The following OPCML variants were observed in gnomAD, a reference collection of about 807,000 sequenced individuals.
OPCML encodes the protein opioid-binding protein/cell adhesion molecule.
In OPCML, 13 loss-of-function variants were observed where a neutral mutation model predicts 37.8. The observed-to-expected ratio is 0.34, with a 90% CI of 0.22 to 0.55. OPCML has a LOEUF of 0.55. OPCML is among the 20% of genes least tolerant of loss of function. OPCML has a pLI of 0.91. For missense variants in OPCML, 341 were observed against 435.6 expected (o/e 0.78, Z 1.93); for synonymous variants, 176 against 168.8 (o/e 1.04, Z -0.33).
intron 1 of OPCML, among the ~76,000 whole-genome samples, chr11:133,515,062 T>C (rs1948237046): frequency 6.6e-6 from 1 of 152,212 alleles, no homozygotes; most frequent in Non-Finnish European, 1.5e-5. Context: ...TTAAAGAGCA[T>C]CTGGAAAAGA....
intron 1 of OPCML, among the ~76,000 whole-genome samples, chr11:133,333,278 C>G (rs1943665846): frequency 6.6e-6 from 1 of 152,102 alleles, no homozygotes; most frequent in Admixed American, 6.6e-5. Context: ...AGGCTGGTCT[C>G]AAACTCCTAA....
At chr11:132,919,070 GAAATAGGCAACATTTGAGAGTAT>G (rs1285429610) in intron 2 of OPCML, among the ~76,000 whole-genome samples, 1 of 152,180 alleles carries the variant, frequency 6.6e-6, no homozygotes, top group Non-Finnish European at 1.5e-5. Context: ...ATCAAACCCA[GAAATAGGCAACATTTGAGAGTAT>G]AAGTAGATAG....
At position 133,457,064 on chromosome 11, in the gene OPCML, A is replaced by G. The variant is rs1467203520; in HGVS notation, c.61+75200T>C. Reference sequence around the variant, plus strand: ...AAAGAGACCAACCCCAAGACACATTATTATCAACCTGTTGACACAGACAAA... The same window carrying G: ...AAAGAGACCAACCCCAAGACACATTGTTATCAACCTGTTGACACAGACAAA... On this transcript the variant is annotated intron_variant, in intron 1 of 7. Coordinates refer to ENST00000524381, the MANE Select transcript of OPCML (RefSeq NM_001012393.5). 2.6e-5 allele frequency among the ~76,000 whole-genome samples: 4 copies of G among 152,204 alleles called. No homozygotes were observed. The East Asian group carries it at 5.8e-4, about 22-fold the overall frequency.
At chr11:133,481,106 A>T (rs1947361813) in intron 1 of OPCML, among the ~76,000 whole-genome samples, 1 of 152,256 alleles carries the variant, frequency 6.6e-6, no homozygotes, top group Non-Finnish European at 1.5e-5. Context: ...AAATAATTTT[A>T]TCGAGATTAA....
intron 1 of OPCML, among the ~76,000 whole-genome samples, chr11:133,070,576 G>A (rs1181986360): frequency 6.6e-6 from 1 of 152,186 alleles, no homozygotes. Flanking sequence ...AGCCTATGAA[G>A]AGAGGTAACG....
At chr11:133,162,203 A>C (rs1950152713) in intron 1 of OPCML, among the ~76,000 whole-genome samples, 1 of 152,038 alleles carries the variant, frequency 6.6e-6, no homozygotes, top group Non-Finnish European at 1.5e-5. Context: ...TGAGAAAGAG[A>C]GGGAGAGAAA....
chr11:133,059,022 G>A (rs1415136389), intron 1 of OPCML, among the ~76,000 whole-genome samples: 1 of 152,208 alleles, frequency 6.6e-6, no homozygotes, highest in Non-Finnish European at 1.5e-5. Flanking sequence ...AACTTTGCAA[G>A]GACCTTTATC....
intron 2 of OPCML, among the ~76,000 whole-genome samples, chr11:132,888,659 T>C (rs1390303231): frequency 1.3e-5 from 2 of 152,182 alleles, no homozygotes; most frequent in African/African-American, 4.8e-5. Context: ...TTTTTGGCTC[T>C]TTCTCAGTCT....
intron 1 of OPCML, chr11:133,005,707 T>G: frequency 1.0e-6 from 1 of 977,490 alleles, no homozygotes; most frequent in East Asian, 1.1e-4. Context: ...ATCCAGATTT[T>G]TCTTATCTTT....
chr11:132,517,544 T>G (rs1276698779), intron 4 of OPCML, among the ~76,000 whole-genome samples: 1 of 152,210 alleles, frequency 6.6e-6, no homozygotes, highest in East Asian at 1.9e-4. Flanking sequence ...CCACATTTTT[T>G]GTTCAGCAGC....
At chr11:132,591,256 A>G (rs761514572) in intron 3 of OPCML, among the ~76,000 whole-genome samples, 3 of 152,186 alleles carry the variant, frequency 2.0e-5, no homozygotes, top group Non-Finnish European at 4.4e-5. Context: ...ACTTTGGAGA[A>G]ATGCAGATCC....
At chr11:133,121,706 T>C (rs1949424439) in intron 1 of OPCML, among the ~76,000 whole-genome samples, 3 of 152,236 alleles carry the variant, frequency 2.0e-5, no homozygotes, top group African/African-American at 7.2e-5. Flanking sequence ...TTACACTTGA[T>C]AACACTAAAG....
At chr11:133,522,272 GT>G (rs138344253) in intron 1 of OPCML, among the ~76,000 whole-genome samples, 3,320 of 152,260 alleles carry the variant, frequency 0.022, 126 homozygotes, top group African/African-American at 0.076. Context: ...AAAAATAGAT[GT>G]TTTGATAGTG....
chr11:133,119,866 C>T (rs748764230), intron 1 of OPCML, among the ~76,000 whole-genome samples: 11 of 152,064 alleles, frequency 7.2e-5, no homozygotes, highest in Admixed American at 1.3e-4. Context: ...GAGCAGGTAG[C>T]GGGAAAGGTG....
At chr11:132,470,860 GA>G (rs1253121024) in intron 4 of OPCML, among the ~76,000 whole-genome samples, 1 of 152,150 alleles carries the variant, frequency 6.6e-6, no homozygotes, top group Non-Finnish European at 1.5e-5. Context: ...TGTAAAGCCA[GA>G]AGACCAGTTA....
At chr11:133,354,091 A>G (rs930313281) in intron 1 of OPCML, among the ~76,000 whole-genome samples, 2 of 147,788 alleles carry the variant, frequency 1.4e-5, no homozygotes, top group Non-Finnish European at 3.0e-5. Context: ...TATCTGTGCT[A>G]TGCTTTTCTA....
rs117003485 is a variant in OPCML at position 132,782,231 on chromosome 11, C to T, written c.147-124912G>A. ...AAGCGAACGCACCGAGACTTAAGAG[C>T]TGCAGGTGTGTCTGCTTGTGGAGCC... On this transcript the variant is annotated intron_variant, in intron 2 of 7. Transcript: ENST00000524381. Among the ~76,000 whole-genome samples, 819 of 152,066 alleles carry T rather than the reference C, an allele frequency of 5.4e-3. 8 individuals carry two copies. The highest frequency in any genetic ancestry group is 9.0e-3 in the Non-Finnish European group (614 of 67,990).
chr11:132,634,714 T>A (rs553834874), intron 3 of OPCML, among the ~76,000 whole-genome samples: 1 of 152,226 alleles, frequency 6.6e-6, no homozygotes, highest in African/African-American at 2.4e-5. Context: ...TTCTGTCCAC[T>A]CCACCCTACT....
intron 1 of OPCML, among the ~76,000 whole-genome samples, chr11:133,341,916 T>C (rs1177129593): frequency 6.6e-6 from 1 of 150,440 alleles, no homozygotes; most frequent in Non-Finnish European, 1.5e-5. Context: ...AGACTCCATT[T>C]TGGGGAAAAA....
Sources: allele counts gnomAD v4.1 joint callset (sites outside exome capture counted in the v4.1 genomes callset), GRCh38; gene constraint gnomAD v4.1.1; transcripts MANE v1.5; gene names NCBI Gene and HGNC (gene_info 2026-07-23, HGNC 2026-07-21).